Variants in ZNF516 observed in about 807,000 individuals in gnomAD.
ZNF516 encodes the protein zinc finger protein 516.
A neutral mutation model predicts 79.7 loss-of-function variants in ZNF516; 19 were observed. That is an observed-to-expected ratio of 0.24 (90% CI 0.17 to 0.35). The LOEUF (loss-of-function observed/expected upper bound fraction) is 0.35, where lower values mean the gene tolerates loss of function less well. Ranked by LOEUF, ZNF516 falls within the 10% of genes least tolerant of loss-of-function variation. ZNF516 has a pLI of 1.00. For missense variants in ZNF516, 1,678 were observed against 1,679.5 expected, an observed-to-expected ratio of 1.00 and a Z score of 0.02; for synonymous variants, 877 against 739.5, an observed-to-expected ratio of 1.19 and a Z score of -3.02.
At chr18:76,412,462 C>T (rs2075383206) in intron 3 of ZNF516, among the ~76,000 whole-genome samples, 1 of 152,176 alleles carries the variant, frequency 6.6e-6, no homozygotes, top group South Asian at 2.1e-4. Flanking sequence ...TGACCCCAAA[C>T]ACTGCCTCCA....
Position 76,467,437 on chromosome 18 carries a change from G to C in ZNF516, c.-271-4296C>G, listed in dbSNP as rs938581282. ...CAGAGAGGAAATGATTTGGGCAAAC[G>C]CTCTGCCCTGAGATCTCTCTCGCCC... On this transcript the variant is annotated intron_variant, in intron 1 of 6. Coordinates refer to ENST00000443185, the MANE Select transcript of ZNF516 (RefSeq NM_014643.4). This position sits in a 1 kb window ranked among gnomAD's most constrained non-coding sequence, Gnocchi z 4.2. Among the ~76,000 whole-genome samples the C allele has an allele frequency of 6.6e-6, 1 of 152,172 alleles. No individual in the cohort carries two copies. Among genetic ancestry groups the C allele is most frequent in the Non-Finnish European group, 1.5e-5 (1 of 68,020 alleles).
intron 1 of ZNF516, chr18:76,488,120 T>G (rs1914938945): frequency 2.0e-6 from 2 of 984,792 alleles, no homozygotes; most frequent in Non-Finnish European, 2.4e-6. Context: ...GGAGATGTAT[T>G]CCAACCATCA....
chr18:76,365,986 C>A (rs2144892602), intron 6 of ZNF516, among the ~76,000 whole-genome samples: 1 of 152,302 alleles, frequency 6.6e-6, no homozygotes, highest in Non-Finnish European at 1.5e-5. Context: ...AAAGAAATGG[C>A]TGCTTGACTA....
intron 1 of ZNF516, among the ~76,000 whole-genome samples, chr18:76,463,549 C>A (rs1312360590): frequency 6.6e-6 from 1 of 152,264 alleles, no homozygotes; most frequent in Non-Finnish European, 1.5e-5. Flanking sequence ...GCGCATCACA[C>A]TGCCGACCGC....
chr18:76,371,690 C>G (rs2074710390), intron 4 of ZNF516, 119 bp from the exon 5 acceptor site: 1 of 759,096 alleles, frequency 1.3e-6, no homozygotes, highest in Non-Finnish European at 2.2e-6. Context: ...AATGTGTCAT[C>G]ATGTGAGGCT....
At chr18:76,458,759 C>T (rs990007630) in intron 2 of ZNF516, among the ~76,000 whole-genome samples, 1 of 147,890 alleles carries the variant, frequency 6.8e-6, no homozygotes, top group Admixed American at 6.7e-5. Context: ...CACCGTCGTG[C>T]GTGTGTGTGC....
chr18:76,419,159 C>G (rs571653160), intron 3 of ZNF516, among the ~76,000 whole-genome samples: 13 of 152,200 alleles, frequency 8.5e-5, no homozygotes, highest in Non-Finnish European at 1.3e-4. Flanking sequence ...TTTCTGAGAC[C>G]CTGGGGGAAT....
chr18:76,416,658 C>T (rs1033710541), intron 3 of ZNF516, among the ~76,000 whole-genome samples: 1 of 152,186 alleles, frequency 6.6e-6, no homozygotes, highest in Non-Finnish European at 1.5e-5. Context: ...TGAGGACCAT[C>T]GCCTACACAC....
intron 3 of ZNF516, among the ~76,000 whole-genome samples, chr18:76,425,823 G>T (rs1160548875): frequency 6.6e-6 from 1 of 152,184 alleles, no homozygotes; most frequent in African/African-American, 2.4e-5. Context: ...CGAGGTCCAG[G>T]TAAGAGACAC....
chr18:76,403,133 T>C (rs36126025), intron 3 of ZNF516, among the ~76,000 whole-genome samples: 8,016 of 152,312 alleles, frequency 0.053, 371 homozygotes, highest in African/African-American at 0.13. Flanking sequence ...TACCCATGTT[T>C]ATCTACCCTG....
At chr18:76,378,172 A>C (rs1235296192) in intron 4 of ZNF516, 1 of 152,268 alleles carries the variant, frequency 6.6e-6, no homozygotes, top group Non-Finnish European at 1.5e-5. Context: ...CACCGCATGC[A>C]GTGCGCGTGC....
intron 3 of ZNF516, among the ~76,000 whole-genome samples, chr18:76,426,889 C>T (rs1464108506): frequency 6.6e-6 from 1 of 152,214 alleles, no homozygotes; most frequent in Non-Finnish European, 1.5e-5. Context: ...TCTGGATGGA[C>T]AACACTGACC....
At position 76,443,123 on chromosome 18, in the gene ZNF516, T is replaced by C; in HGVS notation, c.-69A>G. On this transcript the variant is annotated 5_prime_UTR_variant, in exon 3 of 7. Coordinates refer to ENST00000443185, the MANE Select transcript of ZNF516 (RefSeq NM_014643.4). ...CGCGCGGGCTGCAGGGACCGTCCTA[T>C]CTCTCCATGGTCAGAAGAGCCAAAA... The C allele has an allele frequency of 1.3e-6, 2 of 1,504,484 alleles. No homozygotes were observed. The highest frequency in any genetic ancestry group is 1.8e-6 in the Non-Finnish European group (2 of 1,134,792). 93.2% of individuals were successfully genotyped at this position (1,504,484 alleles called of 1,614,324 possible).
chr18:76,476,034 C>A (rs897268716), intron 1 of ZNF516, among the ~76,000 whole-genome samples: 2 of 152,174 alleles, frequency 1.3e-5, no homozygotes, highest in East Asian at 1.9e-4. Context: ...CCTCTTTCGA[C>A]TGTAAATATC....
chr18:76,492,751 C>A (rs913264948), intron 1 of ZNF516: 22 of 985,486 alleles, frequency 2.2e-5, no homozygotes, highest in Non-Finnish European at 2.3e-5. Context: ...TCTCCCCCTT[C>A]TGCAGGTTCC....
chr18:76,439,298 T>C (rs1250485084), intron 3 of ZNF516, among the ~76,000 whole-genome samples: 1 of 152,222 alleles, frequency 6.6e-6, no homozygotes, highest in Non-Finnish European at 1.5e-5. Flanking sequence ...TGTTTTTAGA[T>C]AGAAAGATAC....
At chr18:76,432,674 G>T (rs72975929) in intron 3 of ZNF516, among the ~76,000 whole-genome samples, 2 of 152,088 alleles carry the variant, frequency 1.3e-5, no homozygotes, top group Admixed American at 6.5e-5. Flanking sequence ...GGCCTCCAAA[G>T]GCCATCAGGC....
intron 3 of ZNF516, among the ~76,000 whole-genome samples, chr18:76,411,985 A>C (rs2075376834): frequency 6.6e-6 from 1 of 152,262 alleles, no homozygotes; most frequent in Admixed American, 6.5e-5. Context: ...CATTCAAAGG[A>C]GTCAACCCGA....
intron 2 of ZNF516, among the ~76,000 whole-genome samples, chr18:76,445,609 A>G (rs1911995186): frequency 6.6e-6 from 1 of 152,244 alleles, no homozygotes; most frequent in Admixed American, 6.5e-5. Flanking sequence ...TACAGGGAAG[A>G]AAAGAAAAAC....
Sources: gnomAD v4.1 joint callset for allele counts (sites outside exome capture counted in the v4.1 genomes callset) on GRCh38, gnomAD v4.1.1 for gene constraint, Gnocchi (gnomAD v3.1) non-coding constraint, MANE v1.5 for transcripts, NCBI Gene and HGNC (gene_info 2026-07-23, HGNC 2026-07-21) for gene names.